The following PDLIM7 variants were observed in gnomAD, a reference collection of about 807,000 sequenced individuals.
PDLIM7 encodes the protein PDZ and LIM domain protein 7.
In PDLIM7, 37 loss-of-function variants were observed where a neutral mutation model predicts 53.9. That is an observed-to-expected ratio of 0.69 (90% CI 0.53 to 0.90). The LOEUF (loss-of-function observed/expected upper bound fraction) is 0.90, where lower values mean the gene tolerates loss of function less well. Among genes scored for constraint, PDLIM7 ranks in the 40% least tolerant of loss-of-function variants. The pLI is 0.00. For missense variants in PDLIM7, 617 were observed against 638.5 expected, an observed-to-expected ratio of 0.97 and a Z score of 0.36; for synonymous variants, 300 against 261.3, an observed-to-expected ratio of 1.15 and a Z score of -1.43.
chr5:177,484,269 G>C (rs760913466), intron 10 of PDLIM7, 79 bp from the exon 11 acceptor site: 3 of 1,559,782 alleles, frequency 1.9e-6, no homozygotes, highest in Non-Finnish European at 2.6e-6. Flanking sequence ...AGGAGGGCTG[G>C]CCGCAAGCCC....
At position 177,489,823 on chromosome 5, in the gene PDLIM7, G is replaced by A. The variant is rs769562804; in HGVS notation, c.582C>T (p.Pro194=). Residue 194 remains proline, a synonymous_variant, in exon 8 of 13, where the codon CCC becomes CCT. Coordinates refer to ENST00000355841, the MANE Select transcript of PDLIM7 (RefSeq NM_005451.5). ...EEHLKKSSQV[P]RTEAPAPASS... is the part of the protein sequence containing the mutation. ...AGGCTGGGGCTGGGGCTTCTGTCCT[G>A]GGCACCTGGCTGCAAGATCTGCCAT... 8.6e-5 allele frequency: 137 copies of A among 1,585,154 alleles called. 2 individuals carry two copies. The South Asian group carries it at 9.6e-4, about 11-fold the overall frequency.
At position 177,492,634 on chromosome 5, in the gene PDLIM7, C is replaced by A; in HGVS notation, c.140G>T (p.Gly47Val). 1.2e-6 allele frequency: 2 copies of A among 1,609,846 alleles called. No homozygotes were observed. The highest frequency in any genetic ancestry group is 1.7e-6 in the Non-Finnish European group (2 of 1,179,990). ...GKAAQAGVAV[G>V]DWVLSIDGEN... ...GCCATCGATGCTCAGCACCCAGTCA[C>A]CCACGGCCACTCCGGCCTGCGCCGC... The change falls in exon 3 of 13, where the codon GGT becomes GTT. Residue 47 changes from glycine (G) to valine (V), a missense_variant. Physicochemically the swap from Gly to Val is moderately radical, Grantham distance 109. Coordinates refer to ENST00000355841, the MANE Select transcript of PDLIM7 (RefSeq NM_005451.5).
intron 10 of PDLIM7, among the ~76,000 whole-genome samples, chr5:177,486,373 C>G (rs886593507): frequency 6.6e-6 from 1 of 152,220 alleles, no homozygotes; most frequent in East Asian, 1.9e-4. Flanking sequence ...TACCTTGCAA[C>G]CGTGCCGGCC....
Position 177,491,816 on chromosome 5 carries a change from T to G in PDLIM7, c.389A>C (p.Gln130Pro), listed in dbSNP as rs1758804080. The change falls in exon 5 of 13, where the codon CAG becomes CCG. Residue 130 changes from glutamine to proline, a missense_variant. Physicochemically the swap from Gln to Pro is moderately conservative, Grantham distance 76. Coordinates refer to ENST00000355841, the MANE Select transcript of PDLIM7 (RefSeq NM_005451.5). ...GAPPPADSAP[Q>P]QNGQPLRPLV... ...GCAGGGGCCGACGTACCCATTCTGC[T>G]GCGGGGCGCTGTCAGCGGGCGGGGG... The G allele has an allele frequency of 2.3e-6, 3 of 1,282,614 alleles. No individual in the cohort carries two copies. The highest frequency in any genetic ancestry group is 6.1e-5 in the South Asian group (2 of 32,948). 79.5% of individuals were successfully genotyped at this position (1,282,614 alleles called of 1,614,324 possible). A position where few individuals can be genotyped will look rare whatever the true frequency, so the allele number is the denominator to read the frequency against.
At chr5:177,490,496 G>A (rs1172532676) in intron 7 of PDLIM7, 1 of 1,554,962 alleles carries the variant, frequency 6.4e-7, no homozygotes, top group South Asian at 1.2e-5. Context: ...AGAGGGCCGG[G>A]CTACGACTGC....
At chr5:177,486,839 G>A (rs1318074510) in intron 10 of PDLIM7, among the ~76,000 whole-genome samples, 1 of 149,542 alleles carries the variant, frequency 6.7e-6, no homozygotes, top group Non-Finnish European at 1.5e-5. Context: ...CACCGTGTTA[G>A]CCAGGATGGT....
At chr5:177,490,405 G>A (rs1758688504) in intron 7 of PDLIM7, 1 of 1,495,054 alleles carries the variant, frequency 6.7e-7, no homozygotes, top group Non-Finnish European at 8.9e-7. Flanking sequence ...GGGGGGTGAG[G>A]TAGGCAGAAG....
At chr5:177,496,115 C>T (rs1759057237) in intron 2 of PDLIM7, among the ~76,000 whole-genome samples, 1 of 152,142 alleles carries the variant, frequency 6.6e-6, no homozygotes, top group Non-Finnish European at 1.5e-5. Context: ...TTAGATACCT[C>T]CTGAAATGTT....
At chr5:177,491,680 G>T (rs1181535597) in intron 5 of PDLIM7, 127 bp downstream of exon 5, 5 of 647,288 alleles carry the variant, frequency 7.7e-6, no homozygotes, top group African/African-American at 7.6e-5. Context: ...CACCCCGGCC[G>T]CCAGGGGGCG....
At chr5:177,495,590 G>A (rs1022650860) in intron 2 of PDLIM7, among the ~76,000 whole-genome samples, 1 of 152,240 alleles carries the variant, frequency 6.6e-6, no homozygotes, top group East Asian at 1.9e-4. Context: ...CAGCTGAGAG[G>A]CCCACCAGTG....
intron 1 of PDLIM7, 53 bp from the exon 2 acceptor site, chr5:177,496,576 G>A: frequency 3.0e-6 from 4 of 1,324,158 alleles, no homozygotes; most frequent in South Asian, 1.4e-5. Context: ...GGGCAGGCAG[G>A]CAGGCCGGGC....
intron 1 of PDLIM7, among the ~76,000 whole-genome samples, chr5:177,497,212 T>G (rs1036582243): frequency 6.6e-6 from 1 of 151,894 alleles, no homozygotes; most frequent in Admixed American, 6.5e-5. Flanking sequence ...AGGGGGATCC[T>G]TCCCCGAGCC....
intron 7 of PDLIM7, chr5:177,490,079 C>T (rs1465957048): frequency 6.5e-7 from 1 of 1,527,612 alleles, no homozygotes; most frequent in Non-Finnish European, 8.8e-7. Context: ...TCCTGGGGTT[C>T]CCCTCATGCC....
intron 11 of PDLIM7, 42 bp from the exon 12 acceptor site, chr5:177,484,024 C>A: frequency 6.2e-7 from 1 of 1,613,416 alleles, no homozygotes; most frequent in Non-Finnish European, 8.5e-7. Flanking sequence ...GGATTCATGC[C>A]TGCCCCATGC....
In PDLIM7 at chr5:177,489,248, CCCAG is replaced by C; in HGVS notation, c.869+141_869+144del. The C allele has an allele frequency of 1.3e-5, 9 of 668,086 alleles. No homozygotes were observed. The South Asian group carries it at 1.6e-4, about 12-fold the overall frequency. 41.4% of individuals were successfully genotyped at this position (668,086 alleles called of 1,614,324 possible). ...TAGCGTGGGATTAAGAATGGGAGGA[CCCAG>C]CCCAGGTCCCTACTCCTACTCCAGC... On this transcript the variant is annotated intron_variant, in intron 9 of 12. Transcript: ENST00000355841.
intron 1 of PDLIM7, 110 bp from the exon 2 acceptor site, chr5:177,496,633 G>A (rs1759087171): frequency 3.1e-6 from 2 of 642,432 alleles, no homozygotes; most frequent in Non-Finnish European, 4.9e-6. Flanking sequence ...GGCACGGGCA[G>A]CCCCTGAGCA....
At chr5:177,494,359 T>C (rs192927071) in intron 2 of PDLIM7, among the ~76,000 whole-genome samples, 2 of 152,270 alleles carry the variant, frequency 1.3e-5, no homozygotes, top group African/African-American at 4.8e-5. Context: ...TCACCTTTAG[T>C]TCAATCCAAC....
At chr5:177,486,887 T>C (rs1479728415) in intron 10 of PDLIM7, among the ~76,000 whole-genome samples, 24 of 138,062 alleles carry the variant, frequency 1.7e-4, no homozygotes, top group African/African-American at 6.5e-4. Context: ...CATCTCGGCC[T>C]CCCAAAGTGC....
chr5:177,484,453 C>G lies in PDLIM7; in HGVS notation c.1051-263G>C. 8.9e-6 allele frequency: 4 copies of G among 448,232 alleles called. No homozygotes were observed. The South Asian group carries it at 9.7e-5, about 11-fold the overall frequency. 27.8% of individuals were successfully genotyped at this position (448,232 alleles called of 1,614,324 possible). On this transcript the variant is annotated intron_variant, in intron 10 of 12. Coordinates refer to ENST00000355841, the MANE Select transcript of PDLIM7 (RefSeq NM_005451.5). ...TCCTCCCACAGCCATCCCCATCACG[C>G]GGATGGCAACTCCATTCTCCTGTCT...
Sources: gnomAD v4.1 joint callset for allele counts (sites outside exome capture counted in the v4.1 genomes callset) on GRCh38, gnomAD v4.1.1 for gene constraint, MANE v1.5 for transcripts, NCBI Gene and HGNC (gene_info 2026-07-23, HGNC 2026-07-21) for gene names.